The following SLC6A15 variants were observed in gnomAD, a reference collection of about 807,000 sequenced individuals.
SLC6A15 encodes sodium-dependent neutral amino acid transporter B(0)AT2.
Under a neutral mutation model 68.5 loss-of-function variants are expected in SLC6A15, and 33 were observed. The observed-to-expected ratio is 0.48, with a 90% CI of 0.37 to 0.64. SLC6A15 has a LOEUF of 0.64. Ranked by LOEUF, SLC6A15 falls within the 30% of genes least tolerant of loss-of-function variation. The pLI, the probability that SLC6A15 is intolerant of heterozygous loss-of-function variation, is 0.00. For missense variants in SLC6A15, 747 were observed against 874.3 expected, an observed-to-expected ratio of 0.85 and a Z score of 1.84; for synonymous variants, 347 against 301.0, an observed-to-expected ratio of 1.15 and a Z score of -1.58.
At chr12:84,870,244 TA>T (rs1258565903) in intron 9 of SLC6A15, among the ~76,000 whole-genome samples, 1 of 150,270 alleles carries the variant, frequency 6.7e-6, no homozygotes, top group African/African-American at 2.4e-5. Flanking sequence ...ATATTTATTA[TA>T]AATGATAAAA....
rs1872423484 is a variant in SLC6A15, at chr12:84,892,041, T to C, written c.80A>G (p.Glu27Gly). 1 of 1,613,836 alleles carries C rather than the reference T, an allele frequency of 6.2e-7. No individual in the cohort carries two copies. Among genetic ancestry groups the C allele is most frequent in the East Asian group, 2.2e-5 (1 of 44,868 alleles). The change falls in exon 2 of 12, where the codon GAA becomes GGA. Residue 27 changes from glutamate to glycine, a missense_variant. Coordinates refer to ENST00000266682, the MANE Select transcript of SLC6A15 (RefSeq NM_182767.6). Reference protein sequence around the residue: ...TESVKDLLSNEDAADDAFKTS... With the variant: ...TESVKDLLSNGDAADDAFKTS... The stretch of plus-strand genomic sequence containing the variant: ...CTTAAAAGCATCATCAGCTGCGTCT[T>C]CATTGGAAAGAAGGTCTTTGACAGA...
At position 84,892,012 on chromosome 12, in the gene SLC6A15, T is replaced by C. The variant is rs745863803; in HGVS notation, c.109A>G (p.Ser37Gly). 6.2e-7 allele frequency: 1 copy of C among 1,614,096 alleles called. No homozygotes were observed. The highest frequency in any genetic ancestry group is 8.5e-7 in the Non-Finnish European group (1 of 1,180,000). ...TCCTGGCCATCAACAATTAGTTCACTTGTCTTAAAAGCATCATCAGCTGCG... is the reference window on the plus strand; with the variant it reads ...TCCTGGCCATCAACAATTAGTTCACCTGTCTTAAAAGCATCATCAGCTGCG... ...EDAADDAFKT[S>G]ELIVDGQEEK... Residue 37 changes from serine (S) to glycine (G), a missense_variant, in exon 2 of 12, where the codon AGT (serine) becomes GGT (glycine). By Grantham distance (56) the Ser-to-Gly change is moderately conservative (BLOSUM62 0). Coordinates refer to ENST00000266682, the MANE Select transcript of SLC6A15 (RefSeq NM_182767.6).
intron 10 of SLC6A15, among the ~76,000 whole-genome samples, chr12:84,864,508 T>C (rs1450848252): frequency 6.6e-6 from 1 of 151,876 alleles, no homozygotes; most frequent in Non-Finnish European, 1.5e-5. Context: ...TTAGTAGAGA[T>C]GGCGTTTCAC....
chr12:84,902,506 T>C (rs1196631400), intron 1 of SLC6A15, among the ~76,000 whole-genome samples: 1 of 150,202 alleles, frequency 6.7e-6, no homozygotes, highest in East Asian at 1.9e-4. Flanking sequence ...TTCAGAGATA[T>C]ATCACAGAAA....
At chr12:84,893,748 A>G (rs1386911537) in intron 1 of SLC6A15, among the ~76,000 whole-genome samples, 1 of 152,160 alleles carries the variant, frequency 6.6e-6, no homozygotes, top group Non-Finnish European at 1.5e-5. Flanking sequence ...AAAAAAAATT[A>G]CTTAACTTAC....
rs774396352 is a variant in SLC6A15, at chr12:84,886,075, AAAC to A, written c.290-10_290-8del. The A allele has an allele frequency of 1.5e-5, 23 of 1,550,400 alleles. No homozygotes were observed. In the Middle Eastern group the frequency reaches 5.1e-4, roughly 34 times the overall value. On this transcript the variant is annotated splice_region_variant and splice_polypyrimidine_tract_variant and intron_variant, in intron 2 of 11. Transcript: ENST00000266682. ...TATGGTAAAAGATATGCACCTAAAG[AAAC>A]AACAACAAAAAATAGATTATATTTT...
Position 84,881,625 on chromosome 12 carries a change from G to C in SLC6A15, c.756+2234C>G, listed in dbSNP as rs370212034. On this transcript the variant is annotated intron_variant, in intron 5 of 11. Coordinates refer to ENST00000266682, the MANE Select transcript of SLC6A15 (RefSeq NM_182767.6). Reference sequence around the variant, plus strand: ...GGTATATGTATATGCATGTATGACTGTGTGTTTTGACCAAGCACATCACCA... The same window carrying C: ...GGTATATGTATATGCATGTATGACTCTGTGTTTTGACCAAGCACATCACCA... 1.4e-5 allele frequency: 14 copies of C among 985,258 alleles called. No individual in the cohort carries two copies. The East Asian group carries it at 3.4e-4, about 24-fold the overall frequency. 61.0% of individuals were successfully genotyped at this position (985,258 alleles called of 1,614,324 possible).
chr12:84,863,532 A>G lies in SLC6A15; in HGVS notation c.1725T>C (p.Tyr575=), dbSNP rs760553523. The G allele has an allele frequency of 6.3e-7, 1 of 1,596,568 alleles. No homozygotes were observed. The highest frequency in any genetic ancestry group is 2.3e-5 in the East Asian group (1 of 43,920). The change falls in exon 11 of 12, where the codon TAT becomes TAC. Residue 575 remains tyrosine, a synonymous_variant. Transcript: ENST00000266682. The part of the protein sequence containing the change: ...PSRYYYYMWK[Y]ISPLMLLSLL... ...ATGATAATAGCATTAGAGGAGAAAT[A>G]TATTTCCACATATAGTAGTAATATC...
At position 84,872,774 on chromosome 12, in the gene SLC6A15, T is replaced by C. The variant is rs751111857; in HGVS notation, c.1130A>G (p.Lys377Arg). The C allele has an allele frequency of 8.1e-6, 13 of 1,603,300 alleles. No individual in the cohort carries two copies. The African/African-American group carries it at 1.8e-4, about 22-fold the overall frequency. Residue 377 changes from lysine (K) to arginine (R), a missense_variant, in exon 8 of 12, where the codon AAA (lysine) becomes AGA (arginine). By Grantham distance (26) the Lys-to-Arg change is conservative. Transcript: ENST00000266682. ...CITQNSETIM[K>R]FLKMGNISQD... ...ACTAATGTTCCCCATTTTCAAAAAT[T>C]TCATGATCGTCTCTGAATTTCTGAA...
intron 9 of SLC6A15, among the ~76,000 whole-genome samples, chr12:84,869,372 G>A (rs1024241557): frequency 4.1e-5 from 6 of 147,830 alleles, no homozygotes; most frequent in African/African-American, 1.5e-4. Flanking sequence ...TGAGGCAGGA[G>A]AATGGCGTGA....
At chr12:84,912,798 ATG>A in exon 1 of SLC6A15, 1 of 152,974 alleles carries the variant, frequency 6.5e-6, no homozygotes, top group Non-Finnish European at 1.5e-5. Context: ...GTACATGCGT[ATG>A]TGTGTGTGCG....
chr12:84,873,099 T>A lies in SLC6A15; in HGVS notation c.1097A>T (p.Lys366Ile). 1 of 1,614,052 alleles carries A rather than the reference T, an allele frequency of 6.2e-7. No homozygotes were observed. Among genetic ancestry groups the A allele is most frequent in the Non-Finnish European group, 8.5e-7 (1 of 1,179,976 alleles). The change falls in exon 7 of 12, where the codon AAA becomes ATA. Residue 366 changes from lysine (K) to isoleucine (I), a missense_variant. Lys to Ile is a moderately radical substitution (Grantham distance 102, BLOSUM62 -3). Coordinates refer to ENST00000266682, the MANE Select transcript of SLC6A15 (RefSeq NM_182767.6). ...TTAATATTCATACTGTGTAATGCATTTCTCATTTATGACATTTGCTTTGAA... is the reference window on the plus strand; with the variant it reads ...TTAATATTCATACTGTGTAATGCATATCTCATTTATGACATTTGCTTTGAA... ...LGFKANVINE[K>I]CITQNSETIM...
rs535907766 is a variant in SLC6A15, at chr12:84,872,180, C to G, written c.1302+422G>C. Among the ~76,000 whole-genome samples the G allele has an allele frequency of 2.7e-3, 404 of 151,224 alleles. 4 individuals are homozygous for G. The highest frequency in any genetic ancestry group is 0.01 in the Middle Eastern group (3 of 290). On this transcript the variant is annotated intron_variant, in intron 8 of 11. Coordinates refer to ENST00000266682, the MANE Select transcript of SLC6A15 (RefSeq NM_182767.6). ...TCAAAAAAAAAAAAAAGAACTTGAT[C>G]ATGACTTGTGGAACACAACTATTAA...
In SLC6A15 at chr12:84,893,793, A is replaced by G. The variant is rs142018787; in HGVS notation, c.-188-1485T>C. Among the ~76,000 whole-genome samples, 501 of 152,300 alleles carry G rather than the reference A, an allele frequency of 3.3e-3. 1 individual carries two copies. The highest frequency in any genetic ancestry group is 0.011 in the African/African-American group (474 of 41,568). ...AATTTGTTGCCTTTAGGTTGGGATG[A>G]TGTTTAGTTGTTTTAAAATTAAAAT... On this transcript the variant is annotated intron_variant, in intron 1 of 11. Transcript: ENST00000266682.
At chr12:84,889,229 GCC>G (rs1872267625) in intron 2 of SLC6A15, among the ~76,000 whole-genome samples, 1 of 152,170 alleles carries the variant, frequency 6.6e-6, no homozygotes, top group African/African-American at 2.4e-5. Context: ...GGTGGCTCAT[GCC>G]TGTAGTCCCA....
At chr12:84,907,098 C>A (rs1227697230) in intron 1 of SLC6A15, among the ~76,000 whole-genome samples, 1 of 151,956 alleles carries the variant, frequency 6.6e-6, no homozygotes, top group Non-Finnish European at 1.5e-5. Context: ...GCCTGTAATC[C>A]CAGCACTTTG....
intron 4 of SLC6A15, 65 bp from the exon 5 acceptor site, chr12:84,884,105 C>G: frequency 7.5e-7 from 1 of 1,340,828 alleles, no homozygotes; most frequent in Admixed American, 1.8e-5. Context: ...AATTTCTTTT[C>G]CAATAAACCT....
intron 1 of SLC6A15, among the ~76,000 whole-genome samples, chr12:84,909,000 T>G (rs999173146): frequency 3.9e-5 from 6 of 152,160 alleles, no homozygotes; most frequent in African/African-American, 1.4e-4. Flanking sequence ...CAAATTATTT[T>G]GTATATCTTG....
At chr12:84,866,761 T>C (rs538648118) in intron 10 of SLC6A15, among the ~76,000 whole-genome samples, 1 of 152,272 alleles carries the variant, frequency 6.6e-6, no homozygotes, top group South Asian at 2.1e-4. Context: ...TGCCAATACT[T>C]ACTAAATCCT....
Sources: gnomAD v4.1 joint callset for allele counts (sites outside exome capture counted in the v4.1 genomes callset) on GRCh38, gnomAD v4.1.1 for gene constraint, MANE v1.5 for transcripts, NCBI Gene and HGNC (gene_info 2026-07-23, HGNC 2026-07-21) for gene names.